Variants in KCNMA1 observed in about 807,000 individuals in gnomAD.
The protein encoded by KCNMA1 is potassium calcium-activated channel subfamily M alpha 1.
In KCNMA1, 29 loss-of-function variants were observed where a neutral mutation model predicts 140.0. The observed-to-expected ratio is 0.21, with a 90% CI of 0.15 to 0.28. The LOEUF (loss-of-function observed/expected upper bound fraction) is 0.28, where lower values mean the gene tolerates loss of function less well. Among genes scored for constraint, KCNMA1 ranks in the 10% least tolerant of loss-of-function variants. The pLI is 1.00. For synonymous variants in KCNMA1, 612 were observed against 611.9 expected, an observed-to-expected ratio of 1.00 and a Z score of 0.00; for missense variants, 880 against 1,602.2, an observed-to-expected ratio of 0.55 and a Z score of 7.70.
chr10:77,021,618 T>C (rs1176085162), intron 16 of KCNMA1, among the ~76,000 whole-genome samples: 2 of 152,230 alleles, frequency 1.3e-5, no homozygotes, highest in East Asian at 1.9e-4. Flanking sequence ...GTCTGCACAG[T>C]GAAGTATCCT....
rs111740461 is a variant in KCNMA1 at position 77,203,174 on chromosome 10, A to G, written c.603-18258T>C. ...ATCCGGGAACAAATGAATTTTTCAA[A>G]GCATTCCCCAAAGAACTGGGAAACT... On this transcript the variant is annotated intron_variant, in intron 3 of 27. Transcript: ENST00000286628. Among the ~76,000 whole-genome samples the G allele has an allele frequency of 5.1e-4, 77 of 152,344 alleles. 1 individual carries two copies. The highest frequency in any genetic ancestry group is 1.6e-3 in the African/African-American group (67 of 41,592).
intron 3 of KCNMA1, among the ~76,000 whole-genome samples, chr10:77,247,017 T>C (rs549547876): frequency 8.5e-5 from 13 of 152,338 alleles, no homozygotes; most frequent in African/African-American, 3.1e-4. Flanking sequence ...TAACAACGTA[T>C]AACCTTTCAG....
intron 21 of KCNMA1, among the ~76,000 whole-genome samples, chr10:76,949,988 T>G (rs371567416): frequency 6.6e-5 from 10 of 152,274 alleles, no homozygotes; most frequent in African/African-American, 2.4e-4. Flanking sequence ...ATTGTTTTTG[T>G]GCTTCAAAAT....
chr10:77,529,341 C>T (rs2056949364), intron 1 of KCNMA1, among the ~76,000 whole-genome samples: 1 of 152,014 alleles, frequency 6.6e-6, no homozygotes. Context: ...CAGCACCCTC[C>T]CACCTCAGCC....
chr10:77,014,076 C>T (rs2091466296), intron 17 of KCNMA1, among the ~76,000 whole-genome samples: 7 of 152,116 alleles, frequency 4.6e-5, no homozygotes, highest in Non-Finnish European at 1.5e-5. Context: ...AGCTAATTAA[C>T]ATATACATTA....
intron 20 of KCNMA1, among the ~76,000 whole-genome samples, chr10:76,968,496 T>C (rs2074834961): frequency 6.6e-6 from 1 of 152,246 alleles, no homozygotes. Flanking sequence ...TATTTATTTA[T>C]TTGCTTCTCT....
chr10:77,001,022 G>A (rs2086249260), intron 19 of KCNMA1, among the ~76,000 whole-genome samples: 1 of 151,224 alleles, frequency 6.6e-6, no homozygotes, highest in African/African-American at 2.4e-5. Context: ...TCCTCCCTTT[G>A]ATACAATTCA....
chr10:77,377,408 C>A (rs1473217182), intron 2 of KCNMA1, among the ~76,000 whole-genome samples: 1 of 152,142 alleles, frequency 6.6e-6, no homozygotes, highest in Non-Finnish European at 1.5e-5. Flanking sequence ...TGGGTCCTTC[C>A]CCAACTAGAA....
chr10:77,003,771 G>A (rs760081514), intron 18 of KCNMA1, among the ~76,000 whole-genome samples: 1 of 152,192 alleles, frequency 6.6e-6, no homozygotes, highest in Non-Finnish European at 1.5e-5. Flanking sequence ...TGTGGAGAAA[G>A]AAAGTTCTTA....
At chr10:77,146,533 T>C (rs1422380982) in intron 5 of KCNMA1, among the ~76,000 whole-genome samples, 1 of 151,614 alleles carries the variant, frequency 6.6e-6, no homozygotes, top group Non-Finnish European at 1.5e-5. Flanking sequence ...AAACTTCGTC[T>C]CTTCTAAAAA....
rs899690124 is a variant in KCNMA1, at chr10:77,272,901, G to T, written c.541-21645C>A. ...TAGTAAACACATTTCTATTGCAAATGATTTGTTCCAATAAGCAATCCCTTG... is the reference window on the plus strand; with the variant it reads ...TAGTAAACACATTTCTATTGCAAATTATTTGTTCCAATAAGCAATCCCTTG... On this transcript the variant is annotated intron_variant, in intron 2 of 27. Coordinates refer to ENST00000286628, the MANE Select transcript of KCNMA1 (RefSeq NM_001161352.2). Among the ~76,000 whole-genome samples, 26 of 152,212 alleles carry T rather than the reference G, an allele frequency of 1.7e-4. No individual in the cohort carries two copies. In the Middle Eastern group the frequency reaches 0.01, roughly 60 times the overall value.
At position 76,886,066 on chromosome 10, in the gene KCNMA1, T is replaced by G. The variant is rs2036772912; in HGVS notation, c.*1200A>C. On this transcript the variant is annotated 3_prime_UTR_variant, in exon 28 of 28. Coordinates refer to ENST00000286628, the MANE Select transcript of KCNMA1 (RefSeq NM_001161352.2). ...GCACAGCTGTGCCAACAGTTGAAGG[T>G]GGTGGCTGGCTTTTGTCTTTGTTGA... 1.0e-6 allele frequency: 1 copy of G among 985,404 alleles called. No individual in the cohort carries two copies. Among genetic ancestry groups the G allele is most frequent in the Admixed American group, 6.1e-5 (1 of 16,284 alleles). The allele number at this position is 985,404 out of a possible 1,614,324, so 61.0% of individuals were successfully genotyped here. A position where few individuals can be genotyped will look rare whatever the true frequency, so the allele number is the denominator to read the frequency against.
intron 1 of KCNMA1, chr10:77,636,674 T>G: frequency 2.0e-6 from 3 of 1,533,994 alleles, no homozygotes; most frequent in Non-Finnish European, 2.6e-6. Context: ...CTCCCCAACT[T>G]CTCTCGCCCC....
At chr10:77,110,146 A>G (rs368734147) in intron 8 of KCNMA1, 27 bp downstream of exon 8, 1 of 1,586,062 alleles carries the variant, frequency 6.3e-7, no homozygotes, top group Non-Finnish European at 8.7e-7. Flanking sequence ...CATCAAAATC[A>G]ACATCATAAT....
chr10:76,916,147 C>G (rs12357501), intron 23 of KCNMA1, among the ~76,000 whole-genome samples: 54,418 of 152,060 alleles, frequency 0.36, 11,590 homozygotes, highest in Non-Finnish European at 0.48. Context: ...TTACTTGCAT[C>G]TAAATCCTCC....
intron 23 of KCNMA1, among the ~76,000 whole-genome samples, chr10:76,937,457 C>T (rs1439618309): frequency 1.3e-5 from 2 of 152,178 alleles, no homozygotes; most frequent in Non-Finnish European, 2.9e-5. Context: ...AGAAATGATG[C>T]TTTTATCACC....
At chr10:77,438,136 C>T (rs2097302370) in intron 1 of KCNMA1, among the ~76,000 whole-genome samples, 1 of 152,122 alleles carries the variant, frequency 6.6e-6, no homozygotes, top group Non-Finnish European at 1.5e-5. Context: ...TAGCTCACTA[C>T]AGCTTTAGAC....
At chr10:76,915,109 T>C (rs2052232588) in intron 23 of KCNMA1, 60 bp from the exon 24 acceptor site, 1 of 1,226,970 alleles carries the variant, frequency 8.2e-7, no homozygotes, top group Non-Finnish European at 1.2e-6. Context: ...TTGGAAATAA[T>C]CAGAGTACAC....
At chr10:76,935,398 G>C (rs2060299981) in intron 23 of KCNMA1, among the ~76,000 whole-genome samples, 5 of 152,200 alleles carry the variant, frequency 3.3e-5, no homozygotes, top group Admixed American at 3.3e-4. Context: ...TAAGAGACAG[G>C]CTGATGTGCC....
Sources: gnomAD v4.1 joint callset for allele counts (sites outside exome capture counted in the v4.1 genomes callset) on GRCh38, gnomAD v4.1.1 for gene constraint, MANE v1.5 for transcripts, NCBI Gene and HGNC (gene_info 2026-07-23, HGNC 2026-07-21) for gene names.